ELMO1: variants seen among roughly 807,000 people sequenced by gnomAD.
ELMO1 encodes engulfment and cell motility protein 1.
In ELMO1, 26 loss-of-function variants were observed where a neutral mutation model predicts 98.9. The observed-to-expected ratio is 0.26, with a 90% confidence interval of 0.19 to 0.36. The LOEUF (loss-of-function observed/expected upper bound fraction) is 0.36, where lower values mean the gene tolerates loss of function less well. Ranked by LOEUF, ELMO1 falls within the 10% of genes least tolerant of loss-of-function variation. The probability of loss-of-function intolerance (pLI) is 1.00; values close to 1 mark genes in which losing one functional copy is unlikely to be tolerated. For missense variants in ELMO1, 627 were observed against 935.2 expected, an observed-to-expected ratio of 0.67 and a Z score of 4.30; for synonymous variants, 346 against 346.0, an observed-to-expected ratio of 1.00 and a Z score of 0.00.
chr7:36,985,148 C>T (rs1236430323), intron 16 of ELMO1: 5 of 979,554 alleles, frequency 5.1e-6, no homozygotes, highest in Non-Finnish European at 4.8e-6. Context: ...AAAATTAAAC[C>T]CCAGGGAGCA....
chr7:37,385,874 C>T (rs1178417429), intron 1 of ELMO1, among the ~76,000 whole-genome samples: 1 of 152,204 alleles, frequency 6.6e-6, no homozygotes, highest in Admixed American at 6.5e-5. Flanking sequence ...TGGGAAACTA[C>T]CAGTGCCAGG....
rs568395500 is a variant in ELMO1 at position 36,898,304 on chromosome 7, C to T, written c.1438-3287G>A. Among the ~76,000 whole-genome samples the T allele has an allele frequency of 1.8e-4, 27 of 152,252 alleles. No homozygotes were observed. The East Asian group carries it at 2.1e-3, about 12-fold the overall frequency. On this transcript the variant is annotated intron_variant, in intron 16 of 21. Coordinates refer to ENST00000310758, the MANE Select transcript of ELMO1 (RefSeq NM_014800.11). ...TTTGAAAAACCCACAGACGGTGTTG[C>T]GGAGACATCAGAAAATCAATGGAAT...
intron 15 of ELMO1, chr7:37,033,268 C>A: frequency 2.5e-6 from 1 of 403,470 alleles, no homozygotes; most frequent in Admixed American, 2.9e-5. Context: ...AAATTGTTCC[C>A]CCTTCCAGGG....
chr7:37,093,597 T>G (rs144468358), intron 15 of ELMO1, among the ~76,000 whole-genome samples: 1 of 152,346 alleles, frequency 6.6e-6, no homozygotes, highest in African/African-American at 2.4e-5. Flanking sequence ...AGGCATTTCT[T>G]TCAACATAAG....
At chr7:37,375,069 A>T (rs564332499) in intron 1 of ELMO1, among the ~76,000 whole-genome samples, 3 of 152,220 alleles carry the variant, frequency 2.0e-5, no homozygotes, top group Non-Finnish European at 4.4e-5. Context: ...AAAAAAGAAG[A>T]AAAGAAAGAA....
chr7:37,120,075 A>C (rs1481683160), intron 14 of ELMO1, among the ~76,000 whole-genome samples: 2 of 152,244 alleles, frequency 1.3e-5, no homozygotes, highest in Non-Finnish European at 2.9e-5. Flanking sequence ...AAGATTATAC[A>C]AATTCCGTTG....
intron 16 of ELMO1, among the ~76,000 whole-genome samples, chr7:36,975,498 A>C (rs148912341): frequency 0.024 from 3,675 of 152,086 alleles, 64 homozygotes; most frequent in Middle Eastern, 0.051. Flanking sequence ...TTTTCATCAA[A>C]GTTGAAATAG....
At chr7:37,304,724 TAGAA>T (rs1311047216) in intron 4 of ELMO1, among the ~76,000 whole-genome samples, 1 of 151,972 alleles carries the variant, frequency 6.6e-6, no homozygotes, top group Admixed American at 6.6e-5. Flanking sequence ...TCCAAAAAAA[TAGAA>T]AGAAAAGAAA....
chr7:36,965,010 G>A (rs1789291730), intron 16 of ELMO1, among the ~76,000 whole-genome samples: 1 of 152,044 alleles, frequency 6.6e-6, no homozygotes, highest in Admixed American at 6.6e-5. Context: ...GATGGGCTCT[G>A]GCCATCTTCC....
chr7:37,449,188 A>G (rs960326198), upstream of ELMO1: 11 of 152,232 alleles, frequency 7.2e-5, no homozygotes, highest in African/African-American at 2.7e-4. Context: ...ATCTGCTATA[A>G]ATAATATGTG....
chr7:37,036,566 G>C (rs1249625680), intron 15 of ELMO1, among the ~76,000 whole-genome samples: 1 of 152,034 alleles, frequency 6.6e-6, no homozygotes, highest in East Asian at 1.9e-4. Context: ...TTTTGTAGAG[G>C]TGGGGTCTTA....
chr7:37,228,531 C>T (rs1477061634), intron 8 of ELMO1, among the ~76,000 whole-genome samples: 2 of 152,186 alleles, frequency 1.3e-5, no homozygotes, highest in African/African-American at 4.8e-5. Flanking sequence ...ATTAATTATA[C>T]ACACTAGCTC....
At chr7:37,132,460 A>G (rs1786988431) in intron 14 of ELMO1, among the ~76,000 whole-genome samples, 1 of 152,146 alleles carries the variant, frequency 6.6e-6, no homozygotes. Flanking sequence ...GAGAGGTGTC[A>G]GCACAAATCC....
chr7:37,171,688 T>C (rs1253029830), intron 13 of ELMO1, among the ~76,000 whole-genome samples: 1 of 151,822 alleles, frequency 6.6e-6, no homozygotes, highest in African/African-American at 2.4e-5. Context: ...GAGACGGGGT[T>C]TCACCATGTT....
chr7:37,079,719 C>T (rs981512699), intron 15 of ELMO1, among the ~76,000 whole-genome samples: 5 of 152,112 alleles, frequency 3.3e-5, no homozygotes, highest in African/African-American at 1.2e-4. Context: ...TCTCCTTCAC[C>T]TTGAATTGAA....
At position 36,879,253 on chromosome 7, in the gene ELMO1, A is replaced by T. The variant is rs1355935180; in HGVS notation, c.1715-1136T>A. Among the ~76,000 whole-genome samples, 3 of 152,356 alleles carry T rather than the reference A, an allele frequency of 2.0e-5. No individual in the cohort carries two copies. In the East Asian group the frequency reaches 5.8e-4, roughly 29 times the overall value. Reference sequence around the variant, plus strand: ...TCCCAATCTCTTGGCACAGTGTCTGACACATAAAAGTTGCACAGTTGGCGT... The same window carrying T: ...TCCCAATCTCTTGGCACAGTGTCTGTCACATAAAAGTTGCACAGTTGGCGT... On this transcript the variant is annotated intron_variant, in intron 18 of 21. Transcript: ENST00000310758.
intron 1 of ELMO1, among the ~76,000 whole-genome samples, chr7:37,426,369 G>A (rs1340215758): frequency 6.6e-6 from 1 of 151,806 alleles, no homozygotes; most frequent in Non-Finnish European, 1.5e-5. Context: ...TGGCCAGGCT[G>A]GTCTCGAACT....
chr7:37,211,362 G>C (rs572994915), intron 13 of ELMO1, 24 bp downstream of exon 13: 1 of 1,613,442 alleles, frequency 6.2e-7, no homozygotes, highest in Non-Finnish European at 8.5e-7. Flanking sequence ...GAGGGAGAGC[G>C]CATACTGGAG....
chr7:36,906,426 T>C (rs1283092157), intron 16 of ELMO1, among the ~76,000 whole-genome samples: 3 of 152,274 alleles, frequency 2.0e-5, no homozygotes, highest in African/African-American at 7.2e-5. Flanking sequence ...TAATGAAATA[T>C]TGAAACAATA....
Sources: gnomAD v4.1 joint callset for allele counts (sites outside exome capture counted in the v4.1 genomes callset) on GRCh38, gnomAD v4.1.1 for gene constraint, MANE v1.5 for transcripts, NCBI Gene and HGNC (gene_info 2026-07-23, HGNC 2026-07-21) for gene names.